The following XKR9 variants were observed in gnomAD, a reference collection of about 807,000 sequenced individuals.
XKR9 encodes the protein XK related 9, also known as XK-related protein 9.
In XKR9, 32 loss-of-function variants were observed where a neutral mutation model predicts 32.0. That is an observed-to-expected ratio of 1.00 (90% CI 0.76 to 1.34). The LOEUF (loss-of-function observed/expected upper bound fraction) is 1.34. XKR9 is among the 40% of genes most tolerant of loss of function. XKR9 has a pLI of 0.00. For missense variants in XKR9, 546 were observed against 429.7 expected, an observed-to-expected ratio of 1.27 and a Z score of -2.39; for synonymous variants, 168 against 143.4, an observed-to-expected ratio of 1.17 and a Z score of -1.22.
the XKR9 span, among the ~76,000 whole-genome samples, chr8:70,902,864 TTTTCTGCATCTA>T: frequency 2.4e-4 from 37 of 152,320 alleles, no homozygotes; most frequent in African/African-American, 6.5e-4. Flanking sequence ...GTTGAAGGCC[TTTTCTGCATCTA>T]TTTCTGCATC....
intron 2 of XKR9, among the ~76,000 whole-genome samples, chr8:70,778,192 A>T (rs545899618): frequency 6.6e-6 from 1 of 152,170 alleles, no homozygotes; most frequent in African/African-American, 2.4e-5. Flanking sequence ...TTTTCCATTT[A>T]TTAAATAGGG....
chr8:70,833,551 G>A, the XKR9 span, among the ~76,000 whole-genome samples: 1 of 152,044 alleles, frequency 6.6e-6, no homozygotes, highest in South Asian at 2.1e-4. Flanking sequence ...CCTTGTAGAA[G>A]CTATACCTCC....
chr8:71,020,729 C>A, the XKR9 span, among the ~76,000 whole-genome samples: 65,471 of 151,660 alleles, frequency 0.43, 15,126 homozygotes, highest in Non-Finnish European at 0.52. Context: ...ATAACCATCA[C>A]CTCGGGCATT....
intron 2 of XKR9, among the ~76,000 whole-genome samples, chr8:70,741,058 C>T (rs1321818564): frequency 2.0e-5 from 3 of 152,232 alleles, no homozygotes; most frequent in Non-Finnish European, 4.4e-5. Flanking sequence ...TTTGTCTGTG[C>T]CCTGCCCCCA....
chr8:70,855,032 A>G, the XKR9 span, among the ~76,000 whole-genome samples: 1 of 152,142 alleles, frequency 6.6e-6, no homozygotes, highest in East Asian at 1.9e-4. Context: ...TATGAACTTT[A>G]AAGTAGTTTT....
chr8:70,903,329 G>T, the XKR9 span, among the ~76,000 whole-genome samples: 1 of 152,102 alleles, frequency 6.6e-6, no homozygotes, highest in African/African-American at 2.4e-5. Flanking sequence ...CCTGTTATTG[G>T]CCTATTCAGG....
At chr8:70,675,120 G>C (rs1201584719) in intron 2 of XKR9, among the ~76,000 whole-genome samples, 1 of 152,160 alleles carries the variant, frequency 6.6e-6, no homozygotes, top group African/African-American at 2.4e-5. Context: ...AAATACTTGA[G>C]ACTAGGTAAT....
chr8:70,865,166 T>G, the XKR9 span, among the ~76,000 whole-genome samples: 3 of 152,084 alleles, frequency 2.0e-5, no homozygotes, highest in African/African-American at 7.2e-5. Context: ...TAGTGAAGAG[T>G]TTACTTAAAT....
At chr8:70,808,737 C>T in the XKR9 span, among the ~76,000 whole-genome samples, 28 of 152,176 alleles carry the variant, frequency 1.8e-4, no homozygotes, top group Non-Finnish European at 2.9e-4. Flanking sequence ...AAGGTGGCAG[C>T]GAGGCTGGGG....
the XKR9 span, among the ~76,000 whole-genome samples, chr8:71,020,317 G>A: frequency 6.6e-6 from 1 of 152,154 alleles, no homozygotes; most frequent in African/African-American, 2.4e-5. Flanking sequence ...TAGAAAAACT[G>A]TTCCATAACC....
rs1315696479 is a variant in XKR9 at position 70,669,453 on chromosome 8, C to T, written c.-446C>T. The T allele has an allele frequency of 6.3e-6, 2 of 319,156 alleles. No homozygotes were observed. Among genetic ancestry groups the T allele is most frequent in the Non-Finnish European group, 1.2e-5 (2 of 169,678 alleles). The allele number at this position is 319,156 out of a possible 1,614,324, so 19.8% of individuals were successfully genotyped here. A position where few individuals can be genotyped will look rare whatever the true frequency, so the allele number is the denominator to read the frequency against. Reference sequence around the variant, plus strand: ...GCCTCTGTCACGGGGGCTGGTGCCTCACGGGTTTGTGTCCTAGACAGGCGA... The same window carrying T: ...GCCTCTGTCACGGGGGCTGGTGCCTTACGGGTTTGTGTCCTAGACAGGCGA... On this transcript the variant is annotated 5_prime_UTR_variant, in exon 1 of 5. Coordinates refer to ENST00000408926, the MANE Select transcript of XKR9 (RefSeq NM_001011720.2).
chr8:71,024,183 G>A, the XKR9 span, among the ~76,000 whole-genome samples: 4 of 152,204 alleles, frequency 2.6e-5, no homozygotes, highest in Admixed American at 1.3e-4. Context: ...GGATCAGGGT[G>A]CATGCAAGTG....
chr8:70,836,654 A>G, the XKR9 span, among the ~76,000 whole-genome samples: 1 of 152,068 alleles, frequency 6.6e-6, no homozygotes, highest in South Asian at 2.1e-4. Flanking sequence ...TAACACTACT[A>G]TAAACATTTT....
chr8:70,855,840 A>C, the XKR9 span, among the ~76,000 whole-genome samples: 1 of 152,226 alleles, frequency 6.6e-6, no homozygotes, highest in African/African-American at 2.4e-5. Flanking sequence ...CTTAAAGAAA[A>C]GAATTTTCAA....
the XKR9 span, among the ~76,000 whole-genome samples, chr8:70,885,635 C>T: frequency 6.6e-6 from 1 of 151,970 alleles, no homozygotes; most frequent in East Asian, 1.9e-4. Flanking sequence ...CTTGCTCTGT[C>T]ATCCAGGCTG....
At chr8:70,845,774 TA>T in the XKR9 span, among the ~76,000 whole-genome samples, 5 of 151,422 alleles carry the variant, frequency 3.3e-5, no homozygotes, top group Admixed American at 6.6e-5. Context: ...GAAAAAATAA[TA>T]AAAAAAACCA....
the XKR9 span, among the ~76,000 whole-genome samples, chr8:70,960,488 G>T: frequency 6.6e-6 from 1 of 152,150 alleles, no homozygotes; most frequent in Non-Finnish European, 1.5e-5. Context: ...AGCCATTTCT[G>T]TGACTTTGCT....
intron 1 of XKR9, among the ~76,000 whole-genome samples, chr8:70,672,879 T>C (rs1266685662): frequency 2.0e-5 from 3 of 152,230 alleles, no homozygotes; most frequent in Non-Finnish European, 4.4e-5. Flanking sequence ...GAATCGTCTA[T>C]TCATGTTCTG....
intron 2 of XKR9, among the ~76,000 whole-genome samples, chr8:70,764,353 A>G (rs925321417): frequency 1.3e-5 from 2 of 152,128 alleles, no homozygotes; most frequent in African/African-American, 4.8e-5. Flanking sequence ...CATCTTATAT[A>G]AAAGTTTCTC....
Sources: allele counts gnomAD v4.1 joint callset (sites outside exome capture counted in the v4.1 genomes callset), GRCh38; gene constraint gnomAD v4.1.1; transcripts MANE v1.5; gene names NCBI Gene and HGNC (gene_info 2026-07-23, HGNC 2026-07-21).